REV3L: variants seen among roughly 807,000 people sequenced by gnomAD.
The protein encoded by REV3L is DNA polymerase zeta catalytic subunit.
REV3L carries 69 observed loss-of-function variants against 299.4 expected under a neutral mutation model. That is an observed-to-expected ratio of 0.23 (90% CI 0.19 to 0.28). REV3L has a LOEUF of 0.28. Among genes scored for constraint, REV3L ranks in the 10% least tolerant of loss-of-function variants. The pLI is 1.00. For synonymous variants in REV3L, 1,238 were observed against 1,271.4 expected (o/e 0.97, Z 0.56); for missense variants, 3,128 against 3,693.8 (o/e 0.85, Z 3.97).
intron 1 of REV3L, among the ~76,000 whole-genome samples, chr6:111,458,898 C>T (rs1007602916): frequency 6.6e-6 from 1 of 152,052 alleles, no homozygotes; most frequent in African/African-American, 2.4e-5. Flanking sequence ...TATCAAATTA[C>T]CAATATCATT....
chr6:111,335,466 C>T lies in REV3L; in HGVS notation c.7680+3G>A. 6.2e-7 allele frequency: 1 copy of T among 1,606,452 alleles called. No individual in the cohort carries two copies. The highest frequency in any genetic ancestry group is 8.5e-7 in the Non-Finnish European group (1 of 1,176,970). On this transcript the variant is annotated splice_donor_region_variant and intron_variant, in intron 22 of 31. Coordinates refer to ENST00000368802, the MANE Select transcript of REV3L (RefSeq NM_001372078.1). ...CAAGTCTGCAAGAAAACTGATTTCC[C>T]ACCTGTGAACCCCTTGTCAGTACAT...
intron 1 of REV3L, among the ~76,000 whole-genome samples, chr6:111,466,056 C>T (rs1313625589): frequency 6.6e-6 from 1 of 152,126 alleles, no homozygotes; most frequent in Non-Finnish European, 1.5e-5. Context: ...GAAACTCTTA[C>T]AGCAGTCTGA....
At chr6:111,344,734 T>C (rs755917016) in intron 20 of REV3L, among the ~76,000 whole-genome samples, 2 of 152,206 alleles carry the variant, frequency 1.3e-5, no homozygotes, top group African/African-American at 2.4e-5. Flanking sequence ...GGTATTTCAA[T>C]GCAAAATGGA....
intron 1 of REV3L, among the ~76,000 whole-genome samples, chr6:111,481,774 A>G (rs1793694418): frequency 6.6e-6 from 1 of 152,180 alleles, no homozygotes. Context: ...AAGCAAAACC[A>G]TTTTAAAACA....
At chr6:111,446,614 T>C (rs954559438) in intron 1 of REV3L, among the ~76,000 whole-genome samples, 16 of 152,020 alleles carry the variant, frequency 1.1e-4, no homozygotes, top group Non-Finnish European at 1.8e-4. Context: ...AACAGGAGAA[T>C]TGCTTGAACC....
At chr6:111,311,841 T>G (rs1773010709) in intron 28 of REV3L, 1 of 151,606 alleles carries the variant, frequency 6.6e-6, no homozygotes, top group African/African-American at 2.4e-5. Context: ...GGAGTCTTGC[T>G]CTGTCGCTCA....
At chr6:111,431,410 T>C (rs1480368531) in intron 1 of REV3L, 1 of 990,242 alleles carries the variant, frequency 1.0e-6, no homozygotes, top group Non-Finnish European at 1.6e-6. Flanking sequence ...AACTTTGGCG[T>C]TCCGGTTAAA....
intron 1 of REV3L, among the ~76,000 whole-genome samples, chr6:111,476,124 A>G (rs1010898029): frequency 2.6e-5 from 4 of 152,168 alleles, no homozygotes; most frequent in African/African-American, 9.7e-5. Flanking sequence ...GTAATTTTAT[A>G]TAATTTTAAA....
At chr6:111,370,084 G>A (rs1242941961) in intron 13 of REV3L, among the ~76,000 whole-genome samples, 2 of 152,192 alleles carry the variant, frequency 1.3e-5, no homozygotes, top group East Asian at 1.9e-4. Context: ...GCCCACCTTG[G>A]CCTCCCAAAG....
At chr6:111,448,798 T>C (rs536985606) in intron 1 of REV3L, among the ~76,000 whole-genome samples, 1 of 150,958 alleles carries the variant, frequency 6.6e-6, no homozygotes, top group African/African-American at 2.4e-5. Context: ...TTTTTTTTTT[T>C]TTTTCAATTT....
chr6:111,354,856 C>T (rs184922792), intron 18 of REV3L, among the ~76,000 whole-genome samples: 13 of 152,170 alleles, frequency 8.5e-5, no homozygotes, highest in Admixed American at 4.6e-4. Context: ...AGCTGCTTCA[C>T]AGTTAGTATT....
At chr6:111,467,901 T>C (rs879905209) in intron 1 of REV3L, among the ~76,000 whole-genome samples, 2 of 152,060 alleles carry the variant, frequency 1.3e-5, no homozygotes, top group African/African-American at 2.4e-5. Context: ...CTATGCATGT[T>C]TTATACACAT....
At chr6:111,311,510 C>A in intron 28 of REV3L, 2 of 309,586 alleles carry the variant, frequency 6.5e-6, no homozygotes, top group Admixed American at 4.8e-5. Context: ...TGCAAATTAA[C>A]ATTTGTCATG....
Position 111,358,940 on chromosome 6 carries a change from A to G in REV3L, c.6954T>C (p.Phe2318=), listed in dbSNP as rs774752610. ...TRRDLEPDPE[F]DPICALFYCI... The stretch of plus-strand genomic sequence containing the variant: ...AGTAGAACAGAGCACAGATTGGGTC[A>G]AATTCAGGATCCGGTTCTAAGTCTC... The change falls in exon 17 of 32, where the codon TTT becomes TTC. Residue 2318 remains phenylalanine, a synonymous_variant. Transcript: ENST00000368802. The G allele has an allele frequency of 4.4e-5, 71 of 1,614,044 alleles. No individual in the cohort carries two copies. The highest frequency in any genetic ancestry group is 5.8e-5 in the Non-Finnish European group (68 of 1,180,002).
chr6:111,454,697 G>A (rs140616909), intron 1 of REV3L, among the ~76,000 whole-genome samples: 6 of 151,848 alleles, frequency 4.0e-5, no homozygotes, highest in East Asian at 1.9e-4. Context: ...ATGGAGTTTC[G>A]CTCTTGTTGC....
In REV3L at chr6:111,373,121, T is replaced by C. The variant is rs770326237; in HGVS notation, c.5234A>G (p.Lys1745Arg). ...AGTTGTTAGAGGATGAAAGCTATTT[T>C]TCCACTGGTTGTGGCGACGATTCTC... The part of the protein sequence containing the change: ...SNENRRHNQW[K>R]NSFHPLTTRS... Residue 1745 changes from lysine to arginine, a missense_variant, in exon 13 of 32, where the codon AAA (lysine) becomes AGA (arginine). Transcript: ENST00000368802. 1 of 1,614,188 alleles carries C rather than the reference T, an allele frequency of 6.2e-7. No homozygotes were observed. Among genetic ancestry groups the C allele is most frequent in the African/African-American group, 1.3e-5 (1 of 75,062 alleles).
Position 111,299,134 on chromosome 6 carries a change from CTTT to C in REV3L, c.*879_*881del, listed in dbSNP as rs1008927496. On this transcript the variant is annotated 3_prime_UTR_variant, in exon 32 of 32. Transcript: ENST00000368802. ...AAACAATGCACTGACCACATAATTC[CTTT>C]TTTATTTTACACAGTTATACAAATA... 1 of 152,208 alleles carries C rather than the reference CTTT, an allele frequency of 6.6e-6. No homozygotes were observed. Among genetic ancestry groups the C allele is most frequent in the African/African-American group, 2.4e-5 (1 of 41,324 alleles). 9.4% of individuals were successfully genotyped at this position (152,208 alleles called of 1,614,324 possible).
At chr6:111,446,205 T>A (rs1788811668) in intron 1 of REV3L, among the ~76,000 whole-genome samples, 1 of 152,184 alleles carries the variant, frequency 6.6e-6, no homozygotes. Context: ...TTAATCAGAA[T>A]AAATGCTGAG....
intron 1 of REV3L, among the ~76,000 whole-genome samples, chr6:111,481,906 A>C (rs947054061): frequency 2.0e-4 from 31 of 152,286 alleles, no homozygotes; most frequent in African/African-American, 7.2e-4. Flanking sequence ...TGTGTTTAAA[A>C]AATATATACC....
Sources: allele counts gnomAD v4.1 joint callset (sites outside exome capture counted in the v4.1 genomes callset), GRCh38; gene constraint gnomAD v4.1.1; transcripts MANE v1.5; gene names NCBI Gene and HGNC (gene_info 2026-07-23, HGNC 2026-07-21).